SLC13A3: variants seen among roughly 807,000 people sequenced by gnomAD.
SLC13A3 encodes the protein Na(+)/dicarboxylate cotransporter 3.
Under a neutral mutation model 59.0 loss-of-function variants are expected in SLC13A3, and 40 were observed. The ratio of observed to expected loss-of-function variants is 0.68; its 90% CI spans 0.53 to 0.88. The LOEUF is 0.88. Ranked by LOEUF, SLC13A3 falls within the 40% of genes least tolerant of loss-of-function variation. SLC13A3 has a pLI of 0.00. For synonymous variants in SLC13A3, 317 were observed against 330.3 expected (o/e 0.96, Z 0.44); for missense variants, 699 against 783.2 (o/e 0.89, Z 1.28).
At chr20:46,590,939 G>A (rs1021290231) in intron 6 of SLC13A3, among the ~76,000 whole-genome samples, 1 of 151,716 alleles carries the variant, frequency 6.6e-6, no homozygotes, top group African/African-American at 2.4e-5. Context: ...GCCGAGGTGG[G>A]TGGATCACTT....
rs1338619812 is a variant in SLC13A3 at position 46,613,661 on chromosome 20, A to G, written c.176T>C (p.Leu59Pro). 2.5e-6 allele frequency: 4 copies of G among 1,612,244 alleles called. No individual in the cohort carries two copies. The highest frequency in any genetic ancestry group is 3.4e-6 in the Non-Finnish European group (4 of 1,179,360). ...GATGGGCAGCAGCGCCGTCACTGAG[A>G]GCGGCAGGGCCTCCGTGCACCAGTA... ...AVYWCTEALP[L>P]SVTALLPIVL... Residue 59 changes from leucine to proline, a missense_variant, in exon 2 of 13, where the codon CTC becomes CCC. Physicochemically the swap from Leu to Pro is moderately conservative, Grantham distance 98. Coordinates refer to ENST00000279027, the MANE Select transcript of SLC13A3 (RefSeq NM_022829.6).
intron 9 of SLC13A3, among the ~76,000 whole-genome samples, chr20:46,582,268 G>A (rs1465204219): frequency 6.6e-6 from 1 of 151,928 alleles, no homozygotes; most frequent in African/African-American, 2.4e-5. Context: ...TACCAGGAAT[G>A]CCTCACCACG....
At chr20:46,648,037 C>G (rs759304459) in intron 1 of SLC13A3, among the ~76,000 whole-genome samples, 11 of 152,240 alleles carry the variant, frequency 7.2e-5, no homozygotes, top group East Asian at 5.8e-4. Context: ...ACGCTGAGGA[C>G]GCCTGTCTTG....
intron 9 of SLC13A3, among the ~76,000 whole-genome samples, chr20:46,581,375 C>T (rs1166655239): frequency 6.6e-6 from 1 of 152,128 alleles, no homozygotes; most frequent in African/African-American, 2.4e-5. Flanking sequence ...GGAGATCTGC[C>T]CAAGAAGAAC....
At chr20:46,603,507 T>G (rs2062401918) in intron 3 of SLC13A3, among the ~76,000 whole-genome samples, 1 of 151,164 alleles carries the variant, frequency 6.6e-6, no homozygotes, top group African/African-American at 2.4e-5. Flanking sequence ...CCCAAGTAGC[T>G]GGGACCACAG....
upstream of SLC13A3, among the ~76,000 whole-genome samples, chr20:46,654,777 G>A (rs1366545378): frequency 4.6e-5 from 7 of 152,040 alleles, no homozygotes; most frequent in African/African-American, 9.7e-5. Context: ...GTGATCCACC[G>A]GCCTAGGCAA....
intron 1 of SLC13A3, among the ~76,000 whole-genome samples, chr20:46,661,627 C>A (rs1054773401): frequency 6.6e-6 from 1 of 152,174 alleles, no homozygotes; most frequent in Non-Finnish European, 1.5e-5. Flanking sequence ...TCCTGCCCCC[C>A]ATTTCCTGCA....
chr20:46,619,059 C>G (rs2062589600), intron 1 of SLC13A3, among the ~76,000 whole-genome samples: 1 of 152,186 alleles, frequency 6.6e-6, no homozygotes, highest in Admixed American at 6.5e-5. Flanking sequence ...TTCACTGTTT[C>G]CCTTCTCCAC....
chr20:46,565,614 G>A (rs2061973239), intron 11 of SLC13A3, among the ~76,000 whole-genome samples: 3 of 152,214 alleles, frequency 2.0e-5, no homozygotes, highest in Admixed American at 2.0e-4. Context: ...ATGAGTGGCA[G>A]AGCCCGGCCT....
chr20:46,623,414 T>TG (rs1231583263), intron 1 of SLC13A3, among the ~76,000 whole-genome samples: 5 of 152,298 alleles, frequency 3.3e-5, no homozygotes, highest in African/African-American at 1.2e-4. Context: ...TATCTTTTTT[T>TG]GAACCAAGGT....
At chr20:46,595,362 T>C (rs187933004) in intron 5 of SLC13A3, among the ~76,000 whole-genome samples, 18 of 152,296 alleles carry the variant, frequency 1.2e-4, no homozygotes, top group African/African-American at 4.3e-4. Flanking sequence ...TGAAAGTTTA[T>C]TAAAAAGTTA....
At chr20:46,600,085 C>T (rs1033345210) in intron 3 of SLC13A3, 48 bp from the exon 4 acceptor site, 2 of 1,403,002 alleles carry the variant, frequency 1.4e-6, no homozygotes, top group African/African-American at 2.9e-5. Context: ...GCGAATGGAA[C>T]AGGAGTGTCC....
At chr20:46,675,218 TTTTTC>T (rs1003938654) in intron 1 of SLC13A3, among the ~76,000 whole-genome samples, 4 of 151,602 alleles carry the variant, frequency 2.6e-5, no homozygotes, top group South Asian at 2.1e-4. Flanking sequence ...GGTTTTCCTT[TTTTTC>T]TTTTCTTTTC....
chr20:46,677,683 C>T (rs905160408), intron 1 of SLC13A3, among the ~76,000 whole-genome samples: 1 of 152,140 alleles, frequency 6.6e-6, no homozygotes, highest in Non-Finnish European at 1.5e-5. Flanking sequence ...CTAAAGGTTG[C>T]AAATTCAATG....
intron 1 of SLC13A3, among the ~76,000 whole-genome samples, chr20:46,647,704 C>T (rs549019408): frequency 2.6e-5 from 4 of 152,138 alleles, no homozygotes; most frequent in Non-Finnish European, 5.9e-5. Context: ...AGATTGACTC[C>T]AGCCTCCCCG....
intron 1 of SLC13A3, among the ~76,000 whole-genome samples, chr20:46,660,052 C>T (rs1216657741): frequency 6.6e-6 from 1 of 152,146 alleles, no homozygotes; most frequent in Non-Finnish European, 1.5e-5. Context: ...TACCAGAACA[C>T]CACTGTTTGA....
chr20:46,659,976 A>G (rs1232617359), intron 1 of SLC13A3, among the ~76,000 whole-genome samples: 1 of 152,200 alleles, frequency 6.6e-6, no homozygotes, highest in East Asian at 1.9e-4. Flanking sequence ...AAGAATATTT[A>G]CACCATGAAA....
intron 1 of SLC13A3, among the ~76,000 whole-genome samples, chr20:46,638,426 G>A (rs2062815300): frequency 6.6e-6 from 1 of 152,218 alleles, no homozygotes; most frequent in African/African-American, 2.4e-5. Flanking sequence ...AGAGAAGCGG[G>A]GCCGTGGGCG....
At chr20:46,583,538 G>A (rs2062160025) in intron 9 of SLC13A3, 34 bp downstream of exon 9, 1 of 1,609,752 alleles carries the variant, frequency 6.2e-7, no homozygotes, top group Non-Finnish European at 8.5e-7. Flanking sequence ...AGTCCTCACT[G>A]AGCCCACCGA....
Sources: allele counts gnomAD v4.1 joint callset (sites outside exome capture counted in the v4.1 genomes callset), GRCh38; gene constraint gnomAD v4.1.1; transcripts MANE v1.5; gene names NCBI Gene and HGNC (gene_info 2026-07-23, HGNC 2026-07-21).